TM4SF5: variants seen among roughly 807,000 people sequenced by gnomAD.
TM4SF5 encodes the protein transmembrane 4 L six family member 5, also known as transmembrane 4 L6 family member 5.
Under a neutral mutation model 22.3 loss-of-function variants are expected in TM4SF5, and 16 were observed. The ratio of observed to expected loss-of-function variants is 0.72; its 90% CI spans 0.49 to 1.09. The LOEUF (loss-of-function observed/expected upper bound fraction) is 1.09, where lower values mean the gene tolerates loss of function less well. Among genes scored for constraint, TM4SF5 ranks in the 50% least tolerant of loss-of-function variants. The pLI is 0.00. For missense variants in TM4SF5, 249 were observed against 266.1 expected (o/e 0.94, Z 0.45); for synonymous variants, 113 against 109.6 (o/e 1.03, Z -0.19).
At chr17:4,783,067 G>A in intron 4 of TM4SF5, 30 bp downstream of exon 4, 1 of 1,614,108 alleles carries the variant, frequency 6.2e-7, no homozygotes, top group Non-Finnish European at 8.5e-7. Flanking sequence ...AGTTGTAGAG[G>A]GAACCTGCCT....
At position 4,780,270 on chromosome 17, in the gene TM4SF5, G is replaced by A. The variant is rs147566925; in HGVS notation, c.178-519G>A. On this transcript the variant is annotated intron_variant, in intron 1 of 4. Transcript: ENST00000270560. ...GGGTTTCTCCATGTTGGTCAGGCTG[G>A]TCTTGAACTTCCGACCTCAGGTGAT... is the stretch of plus-strand genomic sequence containing the variant. 3.9e-3 allele frequency among the ~76,000 whole-genome samples: 599 copies of A among 151,978 alleles called. 4 individuals are homozygous for A. The highest frequency in any genetic ancestry group is 0.013 in the African/African-American group (543 of 41,456).
rs1917335199 is a variant in TM4SF5, at chr17:4,782,696, C to T, written c.395+57C>T. The stretch of plus-strand genomic sequence containing the variant: ...TCTCTGCCTCTTCCCTCCCGCCCTT[C>T]CCCCGTGGACTGGGACACCTGGGCG... On this transcript the variant is annotated intron_variant, in intron 3 of 4. Transcript: ENST00000270560. The T allele has an allele frequency of 3.7e-6, 6 of 1,603,146 alleles. No homozygotes were observed. In the South Asian group the frequency reaches 5.6e-5, roughly 15 times the overall value.
chr17:4,780,699 AG>A, intron 1 of TM4SF5, 89 bp from the exon 2 acceptor site: 4 of 1,025,322 alleles, frequency 3.9e-6, no homozygotes, highest in Non-Finnish European at 4.3e-6. Context: ...AAGGCATCAC[AG>A]GCAGCTTCCT....
At position 4,782,651 on chromosome 17, in the gene TM4SF5, C is replaced by G. The variant is rs1313157188; in HGVS notation, c.395+12C>G. ...TTCGAAGACACCGCGTAAGGTTTAGCCTGTATTCGTGTCCTCCATTCTCTG... is the reference window on the plus strand; with the variant it reads ...TTCGAAGACACCGCGTAAGGTTTAGGCTGTATTCGTGTCCTCCATTCTCTG... On this transcript the variant is annotated intron_variant, in intron 3 of 4. Coordinates refer to ENST00000270560, the MANE Select transcript of TM4SF5 (RefSeq NM_003963.3). 1.9e-6 allele frequency: 3 copies of G among 1,613,878 alleles called. No homozygotes were observed. The highest frequency in any genetic ancestry group is 3.3e-5 in the Admixed American group (2 of 59,966).
chr17:4,782,962 G>C lies in TM4SF5; in HGVS notation c.504G>C (p.Leu168=). The change falls in exon 4 of 5, where the codon CTG becomes CTC. Residue 168 remains leucine (L), a synonymous_variant. Transcript: ENST00000270560. The stretch of plus-strand genomic sequence containing the variant: ...CGCTGCTGGTGGCCGCCTCCTGCCT[G>C]GAGATAGTACTGTGTGGGATCCAGC... The part of the protein sequence containing the change: ...LFSLLVAASC[L]EIVLCGIQLV... 1 of 1,614,252 alleles carries C rather than the reference G, an allele frequency of 6.2e-7. No individual in the cohort carries two copies.
rs111961129 is a variant in TM4SF5, at chr17:4,775,262, CT to C, written c.177+3177del. Among the ~76,000 whole-genome samples, 751 of 142,076 alleles carry C rather than the reference CT, an allele frequency of 5.3e-3. 1 individual carries two copies. The highest frequency in any genetic ancestry group is 6.9e-3 in the Non-Finnish European group (448 of 64,580). The allele number at this position is 142,076 out of a possible 152,430, so 93.2% of individuals were successfully genotyped here. Reference sequence around the variant, plus strand: ...AGTACAACAGAAAACTATTGAAGGACTTTTTTTTTTTTTTGAGACGGAATCT... The same window carrying C: ...AGTACAACAGAAAACTATTGAAGGACTTTTTTTTTTTTTGAGACGGAATCT... On this transcript the variant is annotated intron_variant, in intron 1 of 4. Coordinates refer to ENST00000270560, the MANE Select transcript of TM4SF5 (RefSeq NM_003963.3).
intron 1 of TM4SF5, among the ~76,000 whole-genome samples, chr17:4,778,239 G>T (rs1274182661): frequency 6.6e-6 from 1 of 152,058 alleles, no homozygotes; most frequent in Non-Finnish European, 1.5e-5. Flanking sequence ...GAGGTTGCTG[G>T]GGATGATATA....
In TM4SF5 at chr17:4,782,556, C is replaced by A. The variant is rs1917331776; in HGVS notation, c.312C>A (p.Cys104Ter). ...SAFGVLGAIY[C>*]LSVSGAGLRN... The stretch of plus-strand genomic sequence containing the variant: ...TCGGGGTGCTTGGTGCCATCTACTG[C>A]CTCTCGGTGTCTGGAGCTGGGCTCC... The change falls in exon 3 of 5, where the codon TGC becomes TGA. Residue 104 changes from cysteine to a stop codon, truncating the protein, a stop_gained. Transcript: ENST00000270560. LOFTEE classifies it high-confidence loss of function. The A allele has an allele frequency of 6.2e-7, 1 of 1,614,016 alleles. No individual in the cohort carries two copies. Among genetic ancestry groups the A allele is most frequent in the Non-Finnish European group, 8.5e-7 (1 of 1,180,020 alleles).
rs1917290881 is a variant in TM4SF5, at chr17:4,780,831, G to T, written c.220G>T (p.Gly74Cys). The T allele has an allele frequency of 1.2e-6, 2 of 1,610,570 alleles. No individual in the cohort carries two copies. Among genetic ancestry groups the T allele is most frequent in the African/African-American group, 2.7e-5 (2 of 74,774 alleles). The change falls in exon 2 of 5, where the codon GGC (glycine) becomes TGC (cysteine). Residue 74 changes from glycine to cysteine, a missense_variant. Transcript: ENST00000270560. ...TGCAGCCGTTCGGGCAGGGGGCAAG[G>T]GCTGCTGTGGTGCTGGGTGCTGTGG... ...GIAAVRAGGK[G>C]CCGAGCCGNR...
intron 2 of TM4SF5, among the ~76,000 whole-genome samples, chr17:4,782,123 G>T (rs372628982): frequency 2.0e-5 from 3 of 150,472 alleles, no homozygotes; most frequent in Non-Finnish European, 4.4e-5. Context: ...TTGAGACGGG[G>T]TCTGGCTCTG....
intron 1 of TM4SF5, among the ~76,000 whole-genome samples, chr17:4,779,800 G>A (rs980935132): frequency 1.3e-5 from 2 of 152,308 alleles, no homozygotes. Context: ...AGGATCTGGA[G>A]GCATCAGTTT....
intron 1 of TM4SF5, among the ~76,000 whole-genome samples, chr17:4,775,112 T>C (rs939506559): frequency 6.6e-6 from 1 of 151,960 alleles, no homozygotes; most frequent in Non-Finnish European, 1.5e-5. Context: ...AGCTCTACAC[T>C]TCTGAGGATC....
chr17:4,778,111 G>A (rs1917240627), intron 1 of TM4SF5, among the ~76,000 whole-genome samples: 1 of 152,120 alleles, frequency 6.6e-6, no homozygotes, highest in South Asian at 2.1e-4. Context: ...GGCAATTCTA[G>A]GTGTGTTTGG....
chr17:4,782,509 C>T lies in TM4SF5; in HGVS notation c.265C>T (p.Arg89Cys), dbSNP rs766688938. Residue 89 changes from arginine (R) to cysteine (C), a missense_variant, in exon 3 of 5, where the codon CGC becomes TGC. Arg to Cys is a radical substitution (Grantham distance 180, BLOSUM62 -3). Coordinates refer to ENST00000270560, the MANE Select transcript of TM4SF5 (RefSeq NM_003963.3). ...GCCGNRCRML[R>C]SVFSSAFGVL... ...CCTTCCACACCACATCCAGATGCTG[C>T]GCTCGGTCTTCTCCTCGGCGTTCGG... 10 of 1,613,996 alleles carry T rather than the reference C, an allele frequency of 6.2e-6. No homozygotes were observed. Among genetic ancestry groups the T allele is most frequent in the Admixed American group, 1.7e-5 (1 of 59,978 alleles).
At chr17:4,777,052 C>G (rs1917220149) in intron 1 of TM4SF5, among the ~76,000 whole-genome samples, 1 of 151,970 alleles carries the variant, frequency 6.6e-6, no homozygotes, top group Non-Finnish European at 1.5e-5. Context: ...ACAAAGTTAG[C>G]AGGGCATGGT....
At chr17:4,775,678 G>T (rs529430528) in intron 1 of TM4SF5, among the ~76,000 whole-genome samples, 7 of 152,076 alleles carry the variant, frequency 4.6e-5, no homozygotes, top group Non-Finnish European at 7.4e-5. Flanking sequence ...TACAAAGTGA[G>T]CACATCTGAG....
intron 1 of TM4SF5, among the ~76,000 whole-genome samples, chr17:4,778,172 C>T (rs1917241233): frequency 6.6e-6 from 1 of 152,144 alleles, no homozygotes; most frequent in Non-Finnish European, 1.5e-5. Context: ...AGTAAGGTGT[C>T]AGCATGGGTC....
Position 4,783,095 on chromosome 17 carries a change from CA to C in TM4SF5, c.580-18del. On this transcript the variant is annotated intron_variant, in intron 4 of 4. Coordinates refer to ENST00000270560, the MANE Select transcript of TM4SF5 (RefSeq NM_003963.3). The stretch of plus-strand genomic sequence containing the variant: ...ACCTGCCTGGTCCTGGCTGCGTTCT[CA>C]CCTTCTCTTTTCCGCAGGACACACC... The C allele has an allele frequency of 6.2e-7, 1 of 1,614,184 alleles. No individual in the cohort carries two copies. The highest frequency in any genetic ancestry group is 8.5e-7 in the Non-Finnish European group (1 of 1,180,012).
At chr17:4,773,238 G>T (rs1185993607) in intron 1 of TM4SF5, among the ~76,000 whole-genome samples, 1 of 151,970 alleles carries the variant, frequency 6.6e-6, no homozygotes, top group African/African-American at 2.4e-5. Flanking sequence ...TCTCTGTGTT[G>T]CCCAGACTGG....
Sources: gnomAD v4.1 joint callset for allele counts (sites outside exome capture counted in the v4.1 genomes callset) on GRCh38, gnomAD v4.1.1 for gene constraint, MANE v1.5 for transcripts, NCBI Gene and HGNC (gene_info 2026-07-23, HGNC 2026-07-21) for gene names.